Variants in BTBD9 observed in about 807,000 individuals in gnomAD.
BTBD9 encodes the protein BTB domain containing 9.
In BTBD9, 49 loss-of-function variants were observed where a neutral mutation model predicts 64.3. The observed-to-expected ratio is 0.76, with a 90% CI of 0.61 to 0.97. BTBD9 has a LOEUF of 0.97. Among genes scored for constraint, BTBD9 ranks in the 50% least tolerant of loss-of-function variants. BTBD9 has a pLI of 0.00. For synonymous variants in BTBD9, 260 were observed against 274.7 expected (o/e 0.95, Z 0.53); for missense variants, 598 against 762.1 (o/e 0.78, Z 2.53).
chr6:38,559,523 A>G (rs1014590863), intron 6 of BTBD9, among the ~76,000 whole-genome samples: 7 of 152,210 alleles, frequency 4.6e-5, no homozygotes, highest in African/African-American at 1.4e-4. Context: ...TACAGACTCA[A>G]TGCTATTCCT....
rs1761741219 is a variant in BTBD9 at position 38,184,714 on chromosome 6, G to A, written c.1641+7805C>T. On this transcript the variant is annotated intron_variant, in intron 10 of 10. Coordinates refer to ENST00000481247, the MANE Select transcript of BTBD9 (RefSeq NM_001099272.2). The surrounding 1 kb of genome is among the most constrained non-coding windows in gnomAD (Gnocchi z 4.4). The stretch of plus-strand genomic sequence containing the variant: ...GCCAGAGAGAGTGGAATCAGACCTG[G>A]GGCAGGGGGACCTCGGAAATAATTA... Among the ~76,000 whole-genome samples, 1 of 152,174 alleles carries A rather than the reference G, an allele frequency of 6.6e-6. No individual in the cohort carries two copies. Among genetic ancestry groups the A allele is most frequent in the African/African-American group, 2.4e-5 (1 of 41,452 alleles).
At chr6:38,329,917 C>T (rs998240577) in intron 7 of BTBD9, among the ~76,000 whole-genome samples, 14 of 151,970 alleles carry the variant, frequency 9.2e-5, no homozygotes, top group East Asian at 5.8e-4. Context: ...AGCACTATCG[C>T]GCTCCAGCCT....
chr6:38,442,959 C>T (rs772104494), intron 6 of BTBD9, among the ~76,000 whole-genome samples: 4 of 152,000 alleles, frequency 2.6e-5, no homozygotes, highest in East Asian at 3.9e-4. Context: ...TGAGCCACCG[C>T]GCTTGGCCCA....
At chr6:38,219,129 C>CT (rs5875622) in intron 9 of BTBD9, among the ~76,000 whole-genome samples, 207 of 70,870 alleles carry the variant, frequency 2.9e-3, no homozygotes, top group Middle Eastern at 8.6e-3. Context: ...ACTTTCTTTT[C>CT]TTTTTTTTTT....
At chr6:38,633,381 A>T (rs1251737255) in intron 1 of BTBD9, among the ~76,000 whole-genome samples, 1 of 152,244 alleles carries the variant, frequency 6.6e-6, no homozygotes, top group Non-Finnish European at 1.5e-5. Context: ...AGTAAAATGG[A>T]GATAATGTCA....
At chr6:38,442,487 T>C (rs1769080478) in intron 6 of BTBD9, among the ~76,000 whole-genome samples, 1 of 151,678 alleles carries the variant, frequency 6.6e-6, no homozygotes, top group African/African-American at 2.4e-5. Context: ...AGTCGTACTA[T>C]ATATATATTT....
chr6:38,428,099 A>C (rs750526266), intron 6 of BTBD9, among the ~76,000 whole-genome samples: 20 of 151,912 alleles, frequency 1.3e-4, no homozygotes, highest in Non-Finnish European at 2.4e-4. Context: ...AGTTCTAGGA[A>C]GGGAGCTTTT....
chr6:38,591,038 T>C (rs1776770112), intron 4 of BTBD9, among the ~76,000 whole-genome samples: 1 of 152,142 alleles, frequency 6.6e-6, no homozygotes, highest in South Asian at 2.1e-4. Flanking sequence ...TCTGAATCAG[T>C]TTTCCCCTAT....
At chr6:38,592,333 G>A (rs996947111) in intron 4 of BTBD9, among the ~76,000 whole-genome samples, 1 of 152,140 alleles carries the variant, frequency 6.6e-6, no homozygotes, top group African/African-American at 2.4e-5. Flanking sequence ...ATTCTGGGGA[G>A]GAGTTGAGAA....
chr6:38,532,986 G>A (rs1773864082), intron 6 of BTBD9, among the ~76,000 whole-genome samples: 1 of 151,844 alleles, frequency 6.6e-6, no homozygotes, highest in East Asian at 1.9e-4. Context: ...ATGAAGAGAA[G>A]AACACAGAAC....
intron 7 of BTBD9, among the ~76,000 whole-genome samples, chr6:38,305,004 T>TA (rs1762575411): frequency 6.6e-6 from 1 of 151,998 alleles, no homozygotes; most frequent in Non-Finnish European, 1.5e-5. Context: ...GCAGCTGTAT[T>TA]CCCACCGCCA....
intron 1 of BTBD9, among the ~76,000 whole-genome samples, chr6:38,628,115 G>A (rs755150710): frequency 6.6e-6 from 1 of 152,186 alleles, no homozygotes; most frequent in African/African-American, 2.4e-5. Context: ...AGAAGGGACA[G>A]AAGACATGGG....
chr6:38,418,428 G>C (rs1000400384), intron 6 of BTBD9, among the ~76,000 whole-genome samples: 2 of 151,974 alleles, frequency 1.3e-5, no homozygotes, highest in African/African-American at 2.4e-5. Flanking sequence ...CCACCAAAGA[G>C]AAAAAAAGGA....
intron 7 of BTBD9, among the ~76,000 whole-genome samples, chr6:38,311,213 G>C (rs78129946): frequency 2.9e-5 from 3 of 103,492 alleles, no homozygotes; most frequent in Admixed American, 2.9e-4. Context: ...TTTTTTTTTT[G>C]TATCTATTAA....
chr6:38,556,538 T>C, intron 6 of BTBD9, among the ~76,000 whole-genome samples: 1 of 54,180 alleles, frequency 1.8e-5, no homozygotes, highest in East Asian at 4.4e-4. Flanking sequence ...TGTGTGTGTG[T>C]GTGTGTGTGT....
chr6:38,460,413 A>G (rs1770022024), intron 6 of BTBD9, among the ~76,000 whole-genome samples: 1 of 152,264 alleles, frequency 6.6e-6, no homozygotes, highest in African/African-American at 2.4e-5. Flanking sequence ...TAGTCTGAAC[A>G]TCATTATGCA....
At chr6:38,479,926 G>C (rs760372106) in intron 6 of BTBD9, among the ~76,000 whole-genome samples, 1 of 151,918 alleles carries the variant, frequency 6.6e-6, no homozygotes, top group Non-Finnish European at 1.5e-5. Context: ...AAAGGGTTCC[G>C]TCATGTTGCC....
intron 6 of BTBD9, among the ~76,000 whole-genome samples, chr6:38,465,710 TATA>T (rs1770330900): frequency 7.7e-5 from 1 of 12,982 alleles, no homozygotes; most frequent in South Asian, 3.2e-3. Flanking sequence ...AAATAAATTA[TATA>T]TATATATATA....
chr6:38,334,097 C>A (rs894496811), intron 7 of BTBD9, among the ~76,000 whole-genome samples: 5 of 152,226 alleles, frequency 3.3e-5, no homozygotes, highest in Non-Finnish European at 7.3e-5. Flanking sequence ...AAGAGACTGG[C>A]AGCACTGTGC....
Sources: allele counts gnomAD v4.1 joint callset (sites outside exome capture counted in the v4.1 genomes callset), GRCh38; gene constraint gnomAD v4.1.1; non-coding constraint Gnocchi (gnomAD v3.1); transcripts MANE v1.5; gene names NCBI Gene and HGNC (gene_info 2026-07-23, HGNC 2026-07-21).